TMEM196: variants seen among roughly 807,000 people sequenced by gnomAD.
TMEM196 encodes the protein transmembrane protein 196.
TMEM196 carries 17 observed loss-of-function variants against 20.0 expected under a neutral mutation model. The observed-to-expected ratio is 0.85, with a 90% CI of 0.58 to 1.27. The LOEUF (loss-of-function observed/expected upper bound fraction) is 1.27, where lower values mean the gene tolerates loss of function less well. Among genes scored for constraint, TMEM196 ranks in the 50% most tolerant of loss-of-function variants. TMEM196 has a pLI of 0.00. For synonymous variants in TMEM196, 113 were observed against 88.9 expected, an observed-to-expected ratio of 1.27 and a Z score of -1.52; for missense variants, 267 against 223.0, an observed-to-expected ratio of 1.20 and a Z score of -1.26.
At chr7:19,737,624 T>C (rs1784455435) in intron 1 of TMEM196, among the ~76,000 whole-genome samples, 1 of 151,978 alleles carries the variant, frequency 6.6e-6, no homozygotes, top group African/African-American at 2.4e-5. Context: ...GGGTAGAATG[T>C]AAATGCATAT....
In TMEM196 at chr7:19,773,076, G is replaced by C. The variant is rs1475365881; in HGVS notation, c.-380C>G. 2.3e-5 allele frequency: 4 copies of C among 171,948 alleles called. No individual in the cohort carries two copies. Among genetic ancestry groups the C allele is most frequent in the Non-Finnish European group, 3.7e-5 (3 of 81,534 alleles). The allele number at this position is 171,948 out of a possible 1,614,324, so 10.7% of individuals were successfully genotyped here. On this transcript the variant is annotated 5_prime_UTR_variant, in exon 1 of 5. Transcript: ENST00000405844. ...TCTGCCGCGTCCCAAATCTCCGCAG[G>C]GAAACCCGCGCCCTCCTCAGCCTAC... is the stretch of plus-strand genomic sequence containing the variant.
intron 1 of TMEM196, among the ~76,000 whole-genome samples, chr7:19,739,675 T>C (rs1000605882): frequency 3.3e-5 from 5 of 152,118 alleles, no homozygotes; most frequent in African/African-American, 1.2e-4. Context: ...AACGATTCAA[T>C]GGAAACATAC....
intron 1 of TMEM196, among the ~76,000 whole-genome samples, chr7:19,731,787 G>A (rs1230983978): frequency 6.6e-6 from 1 of 152,182 alleles, no homozygotes; most frequent in Non-Finnish European, 1.5e-5. Flanking sequence ...GCTAAGAAAT[G>A]TGAATTCAAG....
At chr7:19,724,822 C>T (rs541604791) in intron 3 of TMEM196, among the ~76,000 whole-genome samples, 13 of 152,158 alleles carry the variant, frequency 8.5e-5, no homozygotes, top group African/African-American at 3.1e-4. Flanking sequence ...TCTACTAGAT[C>T]CAGTAGGAGA....
At chr7:19,765,785 G>A in intron 1 of TMEM196, among the ~76,000 whole-genome samples, 1 of 152,040 alleles carries the variant, frequency 6.6e-6, no homozygotes, top group Non-Finnish European at 1.5e-5. Context: ...TTCTAATATA[G>A]ATATTTTGGT....
At chr7:19,763,431 C>G (rs898715299) in intron 1 of TMEM196, among the ~76,000 whole-genome samples, 1 of 152,078 alleles carries the variant, frequency 6.6e-6, no homozygotes, top group Non-Finnish European at 1.5e-5. Flanking sequence ...GAAAATCAAA[C>G]ATATGTCTCT....
At chr7:19,772,030 C>T (rs1265469353) in intron 1 of TMEM196, among the ~76,000 whole-genome samples, 1 of 152,200 alleles carries the variant, frequency 6.6e-6, no homozygotes, top group African/African-American at 2.4e-5. Context: ...ACTCACACCA[C>T]GTTTCTGTTT....
At position 19,771,547 on chromosome 7, in the gene TMEM196, T is replaced by G. The variant is rs537401822; in HGVS notation, c.147+1003A>C. Among the ~76,000 whole-genome samples the G allele has an allele frequency of 2.6e-5, 4 of 152,364 alleles. No individual in the cohort carries two copies. The East Asian group carries it at 5.8e-4, about 22-fold the overall frequency. ...AGCTCAAGTGATTAAGCCATGATGG[T>G]TAAACATGCTACAGATTATCAGTGA... On this transcript the variant is annotated intron_variant, in intron 1 of 4. Transcript: ENST00000405844.
Position 19,721,237 on chromosome 7 carries a change from T to C in TMEM196, c.*891A>G, listed in dbSNP as rs1333732066. ...AATTGCCTTCCCATTTCTATTGGAG[T>C]AGAATCTTAATAATACCCCCACAGC... On this transcript the variant is annotated 3_prime_UTR_variant, in exon 5 of 5. Transcript: ENST00000405844. The C allele has an allele frequency of 1.3e-5, 2 of 151,750 alleles. No individual in the cohort carries two copies. Among genetic ancestry groups the C allele is most frequent in the Admixed American group, 6.6e-5 (1 of 15,216 alleles). 9.4% of individuals were successfully genotyped at this position (151,750 alleles called of 1,614,324 possible).
chr7:19,760,868 G>T (rs1307035699), intron 1 of TMEM196, among the ~76,000 whole-genome samples: 1 of 152,168 alleles, frequency 6.6e-6, no homozygotes, highest in Non-Finnish European at 1.5e-5. Flanking sequence ...AAAGAGAACC[G>T]AGGAGAGTAA....
chr7:19,751,918 C>G (rs1057036240), intron 1 of TMEM196, among the ~76,000 whole-genome samples: 1 of 152,072 alleles, frequency 6.6e-6, no homozygotes, highest in African/African-American at 2.4e-5. Flanking sequence ...TCTCTGCAAC[C>G]TCTGGCCCTA....
chr7:19,756,364 A>T (rs1009880267), intron 1 of TMEM196, among the ~76,000 whole-genome samples: 1 of 151,906 alleles, frequency 6.6e-6, no homozygotes, highest in Non-Finnish European at 1.5e-5. Flanking sequence ...TTTGTTTTTT[A>T]AACTTTTATT....
intron 1 of TMEM196, among the ~76,000 whole-genome samples, chr7:19,759,562 A>G (rs1785349898): frequency 1.3e-5 from 2 of 151,952 alleles, no homozygotes; most frequent in African/African-American, 4.8e-5. Context: ...CTCTATATTG[A>G]TCTCACAAGC....
intron 1 of TMEM196, among the ~76,000 whole-genome samples, chr7:19,761,594 G>A (rs1477977301): frequency 6.6e-6 from 1 of 152,162 alleles, no homozygotes; most frequent in Non-Finnish European, 1.5e-5. Flanking sequence ...GAGATAAGAT[G>A]CAACTATAGC....
chr7:19,725,735 G>C lies in TMEM196; in HGVS notation c.238C>G (p.Leu80Val). ...TGAAAATTCAGGATGCCCCCAATAA[G>C]TCCACAGATACAGCAGGCTGAAAAG... ...ILFSACCICG[L>V]IGGILNFQFL... The change falls in exon 3 of 5, where the codon CTT becomes GTT. Residue 80 changes from leucine to valine, a missense_variant. By Grantham distance (32) the Leu-to-Val change is conservative (BLOSUM62 1). Coordinates refer to ENST00000405844, the MANE Select transcript of TMEM196 (RefSeq NM_001363562.2). 6.2e-7 allele frequency: 1 copy of C among 1,611,376 alleles called. No homozygotes were observed. The highest frequency in any genetic ancestry group is 8.5e-7 in the Non-Finnish European group (1 of 1,177,962).
At chr7:19,738,037 G>A (rs1345726445) in intron 1 of TMEM196, among the ~76,000 whole-genome samples, 1 of 151,966 alleles carries the variant, frequency 6.6e-6, no homozygotes, top group African/African-American at 2.4e-5. Context: ...AGGGGTCAGG[G>A]AGAAAAGGCT....
Position 19,772,821 on chromosome 7 carries a change from C to T in TMEM196, c.-125G>A. On this transcript the variant is annotated 5_prime_UTR_variant, in exon 1 of 5. Coordinates refer to ENST00000405844, the MANE Select transcript of TMEM196 (RefSeq NM_001363562.2). ...CCCAAAACTTTTCTTTCTTCAAGAG[C>T]GAGGCATTATCCACAAGGGCTGGAT... The T allele has an allele frequency of 2.0e-6, 2 of 978,330 alleles. No individual in the cohort carries two copies. Among genetic ancestry groups the T allele is most frequent in the South Asian group, 7.1e-5 (2 of 28,124 alleles). 60.6% of individuals were successfully genotyped at this position (978,330 alleles called of 1,614,324 possible).
intron 1 of TMEM196, among the ~76,000 whole-genome samples, chr7:19,767,498 A>T (rs1271459607): frequency 6.6e-6 from 1 of 152,068 alleles, no homozygotes; most frequent in African/African-American, 2.4e-5. Flanking sequence ...AAATTGGTTT[A>T]TATGCCCAGA....
rs776825085 is a variant in TMEM196, at chr7:19,725,661, G to A, written c.312C>T (p.His104=). The stretch of plus-strand genomic sequence containing the variant: ...TGCACGCGAGAGACATGGAGGCAAG[G>A]TGCAGTGGGTATAGGGAGGAAGTTT... ...TKKTSSLYPL[H]LASMSLACIG... is the part of the protein sequence containing the mutation. Residue 104 remains histidine, a synonymous_variant, in exon 3 of 5, where the codon CAC becomes CAT. Coordinates refer to ENST00000405844, the MANE Select transcript of TMEM196 (RefSeq NM_001363562.2). 4.3e-6 allele frequency: 7 copies of A among 1,614,028 alleles called. No individual in the cohort carries two copies. Among genetic ancestry groups the A allele is most frequent in the East Asian group, 4.5e-5 (2 of 44,894 alleles).
Sources: gnomAD v4.1 joint callset for allele counts (sites outside exome capture counted in the v4.1 genomes callset) on GRCh38, gnomAD v4.1.1 for gene constraint, MANE v1.5 for transcripts, NCBI Gene and HGNC (gene_info 2026-07-23, HGNC 2026-07-21) for gene names.